Variants in APOBEC3B observed in about 807,000 individuals in gnomAD.
APOBEC3B encodes DNA dC->dU-editing enzyme APOBEC-3B.
APOBEC3B carries 29 observed loss-of-function variants against 53.4 expected under a neutral mutation model. The ratio of observed to expected loss-of-function variants is 0.54; its 90% CI spans 0.40 to 0.74. The LOEUF is 0.74. Ranked by LOEUF, APOBEC3B falls within the 30% of genes least tolerant of loss-of-function variation. APOBEC3B has a pLI of 0.00. For missense variants in APOBEC3B, 347 were observed against 496.2 expected, an observed-to-expected ratio of 0.70 and a Z score of 2.86; for synonymous variants, 132 against 184.8, an observed-to-expected ratio of 0.71 and a Z score of 2.32.
At chr22:38,983,741 T>G (rs1317276554) in intron 1 of APOBEC3B, among the ~76,000 whole-genome samples, 1 of 149,186 alleles carries the variant, frequency 6.7e-6, no homozygotes, top group Non-Finnish European at 1.5e-5. Context: ...GGTTAAAAGC[T>G]ATTTTTTAGG....
Position 38,992,047 on chromosome 22 carries a change from C to T in APOBEC3B, c.1032C>T (p.Cys344=). 1 of 1,586,534 alleles carries T rather than the reference C, an allele frequency of 6.3e-7. No homozygotes were observed. Among genetic ancestry groups the T allele is most frequent in the Non-Finnish European group, 8.6e-7 (1 of 1,169,066 alleles). Residue 344 remains cysteine (C), a synonymous_variant, in exon 7 of 8, where the codon TGC becomes TGT. Transcript: ENST00000333467. ...GTCCCTTTTCAGAGTTTGAGTACTGCTGGGACACCTTTGTGTACCGCCAGG... is the reference window on the plus strand; with the variant it reads ...GTCCCTTTTCAGAGTTTGAGTACTGTTGGGACACCTTTGTGTACCGCCAGG... ...SIMTYDEFEY[C]WDTFVYRQGC... is the part of the protein sequence containing the mutation.
rs754718208 is a variant in APOBEC3B, at chr22:38,989,610, G to T, written c.723G>T (p.Glu241Asp). 5.4e-5 allele frequency: 84 copies of T among 1,565,650 alleles called. 10 individuals are homozygous for T. The highest frequency in any genetic ancestry group is 2.0e-4 in the Admixed American group (11 of 55,074). ...AGCACATGGGCTTTCTATGCAACGAGGTGACCGACCCAGCCACCTGCATCC... is the reference window on the plus strand; with the variant it reads ...AGCACATGGGCTTTCTATGCAACGATGTGACCGACCCAGCCACCTGCATCC... ...MDQHMGFLCN[E>D]AKNLLCGFYG... The change falls in exon 5 of 8, where the codon GAG becomes GAT. Residue 241 changes from glutamate to aspartate, a missense_variant and splice_region_variant. Physicochemically the swap from Glu to Asp is conservative, Grantham distance 45. Around this residue, in one of 5 missense-constraint regions of APOBEC3B, gnomAD observed 156 missense variants for 166.7 expected, o/e 0.94. Coordinates refer to ENST00000333467, the MANE Select transcript of APOBEC3B (RefSeq NM_004900.5).
chr22:38,988,683 CTCTTTCTTTCTT>C lies in APOBEC3B; in HGVS notation c.570-721_570-710del, dbSNP rs767344337. Among the ~76,000 whole-genome samples, 17 of 47,528 alleles carry C rather than the reference CTCTTTCTTTCTT, an allele frequency of 3.6e-4. 2 individuals are homozygous for C. The highest frequency in any genetic ancestry group is 2.4e-3 in the South Asian group (2 of 828). The allele number at this position is 47,528 out of a possible 152,430, so 31.2% of individuals were successfully genotyped here. A position where few individuals can be genotyped will look rare whatever the true frequency, so the allele number is the denominator to read the frequency against. On this transcript the variant is annotated intron_variant, in intron 4 of 7. Coordinates refer to ENST00000333467, the MANE Select transcript of APOBEC3B (RefSeq NM_004900.5). ...TTGCTTCCTCTCTCTTTCTCTCTTT[CTCTTTCTTTCTT>C]TCTTTCTTTCTTTCTTTCTTTCTTT... is the stretch of plus-strand genomic sequence containing the variant.
rs1924053275 is a variant in APOBEC3B at position 38,992,520 on chromosome 22, T to G, written c.*75T>G. On this transcript the variant is annotated 3_prime_UTR_variant, in exon 8 of 8. Transcript: ENST00000333467. ...GAATAAAAGATCTTCTTCCAAGAAA[T>G]GCAAACAGACCGTTCACCACCATCT... is the stretch of plus-strand genomic sequence containing the variant. 6.3e-7 allele frequency: 1 copy of G among 1,597,180 alleles called. No homozygotes were observed. Among genetic ancestry groups the G allele is most frequent in the Non-Finnish European group, 8.6e-7 (1 of 1,169,342 alleles).
chr22:38,984,309 A>G (rs1923649821), intron 2 of APOBEC3B, 78 bp downstream of exon 2: 1 of 1,479,320 alleles, frequency 6.8e-7, no homozygotes, highest in East Asian at 2.8e-5. Flanking sequence ...TGGGTGAGAC[A>G]GGAGGATTTA....
chr22:38,991,028 G>C (rs200304514), intron 5 of APOBEC3B, among the ~76,000 whole-genome samples: 2,886 of 139,630 alleles, frequency 0.021, 3 homozygotes, highest in South Asian at 0.097. Context: ...ATGAATAAAA[G>C]CAAAGATTTT....
At chr22:38,984,455 A>G (rs1923654803) in intron 2 of APOBEC3B, among the ~76,000 whole-genome samples, 1 of 148,978 alleles carries the variant, frequency 6.7e-6, no homozygotes, top group Non-Finnish European at 1.5e-5. Context: ...CACATAATCT[A>G]TAGCATAACA....
chr22:38,984,018 C>T (rs960359836), intron 1 of APOBEC3B, 57 bp from the exon 2 acceptor site: 1 of 1,547,950 alleles, frequency 6.5e-7, no homozygotes, highest in African/African-American at 1.4e-5. Flanking sequence ...GGACATGAGC[C>T]CCGAGGACTC....
chr22:38,985,445 C>T (rs1012255114), intron 2 of APOBEC3B, among the ~76,000 whole-genome samples: 4 of 148,020 alleles, frequency 2.7e-5, no homozygotes, highest in Non-Finnish European at 5.9e-5. Context: ...TGCTCCATGC[C>T]ACGGGGACAA....
chr22:38,986,926 T>C (rs1923764925), intron 4 of APOBEC3B, among the ~76,000 whole-genome samples: 1 of 104,814 alleles, frequency 9.5e-6, no homozygotes. Context: ...ACATAGCTGC[T>C]GGGTGGCTGG....
At chr22:38,990,358 A>C (rs1923945366) in intron 5 of APOBEC3B, among the ~76,000 whole-genome samples, 1 of 147,410 alleles carries the variant, frequency 6.8e-6, no homozygotes, top group Admixed American at 7.0e-5. Flanking sequence ...AATGACCCAC[A>C]GCCCCTTCTC....
In APOBEC3B at chr22:38,988,732, TCTTTCTTTCTTTCTTC is replaced by T. The variant is rs879753105; in HGVS notation, c.570-717_570-702del. Among the ~76,000 whole-genome samples the T allele has an allele frequency of 7.1e-3, 968 of 137,224 alleles. 113 individuals carry two copies. Among genetic ancestry groups the T allele is most frequent in the African/African-American group, 0.024 (879 of 35,988 alleles). 90.0% of individuals were successfully genotyped at this position (137,224 alleles called of 152,430 possible). ...TTCTTTCTTTCTTTCTTTCTTTCTT[TCTTTCTTTCTTTCTTC>T]CTTTCTTCTCTCTCGTCTTTCTTCT... On this transcript the variant is annotated intron_variant, in intron 4 of 7. Transcript: ENST00000333467.
Position 38,986,263 on chromosome 22 carries a change from G to A in APOBEC3B, c.455-35G>A, listed in dbSNP as rs574743453. 1.9e-6 allele frequency: 3 copies of A among 1,590,818 alleles called. No individual in the cohort carries two copies. In the African/African-American group the frequency reaches 4.0e-5, roughly 21 times the overall value. ...CCTGGGAGGACAGGCCAGGGTCAGGGGAGAGCCTGACTGCTTCCCGCTTCT... is the reference window on the plus strand; with the variant it reads ...CCTGGGAGGACAGGCCAGGGTCAGGAGAGAGCCTGACTGCTTCCCGCTTCT... On this transcript the variant is annotated intron_variant, in intron 3 of 7. Transcript: ENST00000333467.
chr22:38,988,487 G>A (rs1459996836), intron 4 of APOBEC3B, among the ~76,000 whole-genome samples: 5 of 148,592 alleles, frequency 3.4e-5, no homozygotes, highest in African/African-American at 1.2e-4. Context: ...CTAATATTTA[G>A]AAAAGGGTGT....
At position 38,985,849 on chromosome 22, in the gene APOBEC3B, T is replaced by A. The variant is rs1569037546; in HGVS notation, c.212T>A (p.Phe71Tyr). 6.3e-7 allele frequency: 1 copy of A among 1,593,636 alleles called. No homozygotes were observed. The highest frequency in any genetic ancestry group is 8.5e-7 in the Non-Finnish European group (1 of 1,172,464). ...CCTCAGTACCACGCAGAAATGTGCT[T>A]CCTCTCTTGGTTCTGTGGCAACCAG... The part of the protein sequence containing the change: ...FKPQYHAEMC[F>Y]LSWFCGNQLP... The change falls in exon 3 of 8, where the codon TTC becomes TAC. Residue 71 changes from phenylalanine to tyrosine, a missense_variant. Physicochemically the swap from Phe to Tyr is conservative, Grantham distance 22. Around this residue, in one of 5 missense-constraint regions of APOBEC3B, gnomAD observed 73 missense variants for 90.9 expected, o/e 0.80. Transcript: ENST00000333467.
intron 4 of APOBEC3B, among the ~76,000 whole-genome samples, chr22:38,987,493 A>G (rs542017568): frequency 1.3e-5 from 2 of 148,496 alleles, no homozygotes; most frequent in African/African-American, 4.9e-5. Flanking sequence ...GCTTCCCACC[A>G]TTCCTGAGCT....
In APOBEC3B at chr22:38,988,182, C is replaced by A. The variant is rs138656728; in HGVS notation, c.570-1275C>A. On this transcript the variant is annotated intron_variant, in intron 4 of 7. Transcript: ENST00000333467. ...CTCAAACCCCTGGGGCCTCTCTTTT[C>A]CTCCTGACCCTCTCTCTGGACCTGG... Among the ~76,000 whole-genome samples the A allele has an allele frequency of 4.7e-4, 70 of 148,634 alleles. 17 individuals carry two copies. The East Asian group carries it at 0.015, about 32-fold the overall frequency.
chr22:38,986,439 T>C, intron 4 of APOBEC3B, 27 bp downstream of exon 4: 1 of 1,585,262 alleles, frequency 6.3e-7, no homozygotes, highest in Non-Finnish European at 8.6e-7. Flanking sequence ...GGCCTCATCA[T>C]CTCTCTCCTC....
Position 38,983,839 on chromosome 22 carries a change from T to C in APOBEC3B, c.18-236T>C, listed in dbSNP as rs920813965. Among the ~76,000 whole-genome samples, 8 of 148,540 alleles carry C rather than the reference T, an allele frequency of 5.4e-5. 2 individuals carry two copies. The highest frequency in any genetic ancestry group is 2.2e-4 in the South Asian group (1 of 4,504). ...ACTAGGAGGGTGGGGAATGTACCCC[T>C]GGAAAGGCCAGAGTTGGACCCGAGC... On this transcript the variant is annotated intron_variant, in intron 1 of 7. Transcript: ENST00000333467.
Sources: allele counts gnomAD v4.1 joint callset (sites outside exome capture counted in the v4.1 genomes callset), GRCh38; gene constraint gnomAD v4.1.1; regional missense constraint gnomAD v4.1.1; transcripts MANE v1.5; gene names NCBI Gene and HGNC (gene_info 2026-07-23, HGNC 2026-07-21).